Variants in SRPK1 observed in about 807,000 individuals in gnomAD.
The protein encoded by SRPK1 is SFRS protein kinase 1.
SRPK1 carries 52 observed loss-of-function variants against 89.5 expected under a neutral mutation model. The ratio of observed to expected loss-of-function variants is 0.58; its 90% CI spans 0.46 to 0.73. SRPK1 has a LOEUF of 0.73. Among genes scored for constraint, SRPK1 ranks in the 30% least tolerant of loss-of-function variants. SRPK1 has a pLI of 0.00. For synonymous variants in SRPK1, 255 were observed against 270.2 expected (o/e 0.94, Z 0.55); for missense variants, 603 against 780.6 (o/e 0.77, Z 2.71).
chr6:35,920,088 A>T lies in SRPK1; in HGVS notation c.74+380T>A, dbSNP rs145933187. ...ACCGTGAAGACGTCGGAGGCAAGTT[A>T]AGACGTTGGGGAGCAGGTAAGAGAG... is the stretch of plus-strand genomic sequence containing the variant. On this transcript the variant is annotated intron_variant, in intron 2 of 15. Coordinates refer to ENST00000373825, the MANE Select transcript of SRPK1 (RefSeq NM_003137.5). 1.9e-5 allele frequency: 9 copies of T among 464,724 alleles called. No individual in the cohort carries two copies. In the East Asian group the frequency reaches 6.0e-4, roughly 31 times the overall value. 28.8% of individuals were successfully genotyped at this position (464,724 alleles called of 1,614,324 possible).
intron 12 of SRPK1, among the ~76,000 whole-genome samples, chr6:35,858,566 C>T (rs371227570): frequency 4.6e-5 from 7 of 152,126 alleles, no homozygotes; most frequent in South Asian, 4.1e-4. Flanking sequence ...AATGGAGCAA[C>T]GACATTCTGA....
intron 6 of SRPK1, among the ~76,000 whole-genome samples, chr6:35,880,735 G>GAAAAAAAAAAA (rs1238876364): frequency 5.6e-4 from 15 of 26,972 alleles, no homozygotes; most frequent in Admixed American, 9.3e-4. Context: ...AAAAAAAAAA[G>GAAAAAAAAAAA]AAAAAAAAAA....
chr6:35,890,858 G>A (rs1375948749), intron 3 of SRPK1, 37 bp downstream of exon 3: 1 of 1,497,226 alleles, frequency 6.7e-7, no homozygotes, highest in Non-Finnish European at 8.9e-7. Flanking sequence ...GCAAATAGAT[G>A]GCTCATGTCT....
At chr6:35,853,341 G>C (rs1006182463) in intron 13 of SRPK1, among the ~76,000 whole-genome samples, 1 of 152,064 alleles carries the variant, frequency 6.6e-6, no homozygotes, top group Non-Finnish European at 1.5e-5. Flanking sequence ...ACTTTACATA[G>C]CATTTATATT....
chr6:35,874,779 T>C (rs1770117972), intron 6 of SRPK1, among the ~76,000 whole-genome samples: 1 of 152,204 alleles, frequency 6.6e-6, no homozygotes, highest in African/African-American at 2.4e-5. Context: ...TCCTTAACTA[T>C]AGAAGAGATG....
intron 12 of SRPK1, among the ~76,000 whole-genome samples, chr6:35,868,018 G>A (rs1769942616): frequency 6.6e-6 from 1 of 151,942 alleles, no homozygotes; most frequent in Non-Finnish European, 1.5e-5. Context: ...TGCTGCCCAG[G>A]CTGGAGTGCA....
intron 13 of SRPK1, among the ~76,000 whole-genome samples, chr6:35,846,835 AT>A (rs1294578484): frequency 6.6e-6 from 1 of 152,216 alleles, no homozygotes; most frequent in African/African-American, 2.4e-5. Context: ...TCTACCAAAC[AT>A]ATAACGAAGA....
In SRPK1 at chr6:35,877,105, C is replaced by T. The variant is rs75542461; in HGVS notation, c.479-2766G>A. The stretch of plus-strand genomic sequence containing the variant: ...ATTATAGAGAACAATGCCCAGCATT[C>T]GCATAGGGCTTGGAACAGTGCCTGT... On this transcript the variant is annotated intron_variant, in intron 6 of 15. Coordinates refer to ENST00000373825, the MANE Select transcript of SRPK1 (RefSeq NM_003137.5). Among the ~76,000 whole-genome samples, 262 of 152,246 alleles carry T rather than the reference C, an allele frequency of 1.7e-3. 6 individuals carry two copies. In the South Asian group the frequency reaches 0.026, roughly 15 times the overall value.
At chr6:35,920,003 G>A (rs1269601678) in intron 2 of SRPK1, 1 of 450,276 alleles carries the variant, frequency 2.2e-6, no homozygotes, top group Non-Finnish European at 4.5e-6. Flanking sequence ...AAGGGAGTGT[G>A]TGGTTGGTAG....
intron 13 of SRPK1, among the ~76,000 whole-genome samples, chr6:35,853,783 T>C (rs954220126): frequency 6.6e-6 from 1 of 151,970 alleles, no homozygotes; most frequent in African/African-American, 2.4e-5. Context: ...ACTACAAACA[T>C]ACTTTCCCAC....
intron 2 of SRPK1, among the ~76,000 whole-genome samples, chr6:35,905,847 C>T (rs551946311): frequency 6.6e-6 from 1 of 152,194 alleles, no homozygotes; most frequent in Admixed American, 6.5e-5. Context: ...TCCTATGATT[C>T]CATGTTTAAG....
chr6:35,912,171 TA>T (rs1481147974), intron 2 of SRPK1, among the ~76,000 whole-genome samples: 3 of 151,466 alleles, frequency 2.0e-5, no homozygotes, highest in Non-Finnish European at 4.4e-5. Flanking sequence ...TTCCATCCCT[TA>T]AAAAAAATAA....
chr6:35,882,827 G>A (rs1002622162), intron 6 of SRPK1, among the ~76,000 whole-genome samples: 3 of 151,940 alleles, frequency 2.0e-5, no homozygotes, highest in African/African-American at 4.8e-5. Context: ...TTCCCCACCC[G>A]AGATGGAGTC....
At chr6:35,916,274 T>A (rs1771101246) in intron 2 of SRPK1, among the ~76,000 whole-genome samples, 2 of 151,744 alleles carry the variant, frequency 1.3e-5, no homozygotes, top group Admixed American at 1.3e-4. Context: ...AATTATGGCA[T>A]ATCAACTTAA....
chr6:35,902,875 G>A lies in SRPK1; in HGVS notation c.75-11862C>T, dbSNP rs73404077. Among the ~76,000 whole-genome samples the A allele has an allele frequency of 4.1e-3, 631 of 152,298 alleles. 4 individuals carry two copies. Among genetic ancestry groups the A allele is most frequent in the African/African-American group, 0.014 (566 of 41,554 alleles). ...AAGGCATAAAAACTAGCAGAAGGGA[G>A]CTTGTCCTCAAGCTCATATGTAGGT... is the stretch of plus-strand genomic sequence containing the variant. On this transcript the variant is annotated intron_variant, in intron 2 of 15. Coordinates refer to ENST00000373825, the MANE Select transcript of SRPK1 (RefSeq NM_003137.5).
chr6:35,904,978 CAAAAG>C, intron 2 of SRPK1: 1 of 443,398 alleles, frequency 2.3e-6, no homozygotes. Context: ...TCCATCTCTA[CAAAAG>C]AAAAGAAAAA....
At chr6:35,874,481 T>C in intron 6 of SRPK1, 142 bp from the exon 7 acceptor site, 4 of 627,082 alleles carry the variant, frequency 6.4e-6, no homozygotes, top group South Asian at 2.0e-5. Context: ...AATATGTAGC[T>C]GTTAATATTC....
At chr6:35,916,247 A>G (rs980713689) in intron 2 of SRPK1, among the ~76,000 whole-genome samples, 1 of 149,630 alleles carries the variant, frequency 6.7e-6, no homozygotes, top group Non-Finnish European at 1.5e-5. Context: ...TAAATAAATT[A>G]ATTAATTAAT....
At position 35,872,564 on chromosome 6, in the gene SRPK1, T is replaced by C; in HGVS notation, c.750A>G (p.Ala250=). 2 of 1,595,932 alleles carry C rather than the reference T, an allele frequency of 1.3e-6. No individual in the cohort carries two copies. The highest frequency in any genetic ancestry group is 1.7e-6 in the Non-Finnish European group (2 of 1,173,744). Residue 250 remains alanine (A), a splice_region_variant and synonymous_variant, in exon 8 of 16, where the codon GCA becomes GCG. Coordinates refer to ENST00000373825, the MANE Select transcript of SRPK1 (RefSeq NM_003137.5). ...RSGAPPPSGS[A]VSTAPQPKPA... Reference sequence around the variant, plus strand: ...CGAAGTCCCTAAAAGAAAATACACCTGCAGATCCGGAAGGCGGAGGAGCTC... The same window carrying C: ...CGAAGTCCCTAAAAGAAAATACACCCGCAGATCCGGAAGGCGGAGGAGCTC...
Sources: allele counts gnomAD v4.1 joint callset (sites outside exome capture counted in the v4.1 genomes callset), GRCh38; gene constraint gnomAD v4.1.1; transcripts MANE v1.5; gene names NCBI Gene and HGNC (gene_info 2026-07-23, HGNC 2026-07-21).